The following TSGA10 variants were observed in gnomAD, a reference collection of about 807,000 sequenced individuals.
TSGA10 encodes the protein testis specific 10.
Under a neutral mutation model 96.6 loss-of-function variants are expected in TSGA10, and 43 were observed. That is an observed-to-expected ratio of 0.44 (90% CI 0.35 to 0.57). TSGA10 has a LOEUF of 0.57. TSGA10 is among the 20% of genes least tolerant of loss of function. TSGA10 has a pLI of 0.01. For synonymous variants in TSGA10, 229 were observed against 269.9 expected (o/e 0.85, Z 1.48); for missense variants, 703 against 834.4 (o/e 0.84, Z 1.94).
chr2:99,109,321 A>G, intron 6 of TSGA10, 68 bp downstream of exon 6: 1 of 1,498,792 alleles, frequency 6.7e-7, no homozygotes, highest in Non-Finnish European at 9.3e-7. Context: ...CAAATTAGGT[A>G]AAACAAAGAA....
chr2:99,110,628 T>G lies in TSGA10; in HGVS notation c.-74+222A>C, dbSNP rs775910435. 2.0e-4 allele frequency among the ~76,000 whole-genome samples: 31 copies of G among 152,324 alleles called. 1 individual carries two copies. The highest frequency in any genetic ancestry group is 2.6e-4 in the Non-Finnish European group (18 of 68,016). The stretch of plus-strand genomic sequence containing the variant: ...ATTAATAAAACCAACCAAAAGTTGT[T>G]CTTTGCCTCTAGGAAACAAAGGAAT... On this transcript the variant is annotated intron_variant, in intron 5 of 20. Transcript: ENST00000393483.
At chr2:99,031,341 G>A (rs72957127) in intron 17 of TSGA10, among the ~76,000 whole-genome samples, 91 of 136,212 alleles carry the variant, frequency 6.7e-4, no homozygotes, top group South Asian at 2.7e-3. Flanking sequence ...CACACTTTAC[G>A]CAGAATTAAC....
chr2:99,053,395 T>A (rs2083605133), intron 16 of TSGA10, among the ~76,000 whole-genome samples: 1 of 151,522 alleles, frequency 6.6e-6, no homozygotes, highest in Non-Finnish European at 1.5e-5. Flanking sequence ...GGATAACATG[T>A]TAAAAGGATC....
intron 1 of TSGA10, among the ~76,000 whole-genome samples, chr2:99,153,406 T>C (rs2093712484): frequency 6.6e-6 from 1 of 152,174 alleles, no homozygotes; most frequent in Admixed American, 6.5e-5. Context: ...ATGAGGTCAC[T>C]GGAGGATTGT....
chr2:99,078,597 A>G (rs1465552923), intron 12 of TSGA10, 62 bp downstream of exon 12: 4 of 1,468,726 alleles, frequency 2.7e-6, no homozygotes, highest in South Asian at 1.3e-5. Flanking sequence ...CTTTTAAACC[A>G]TAGTTTAACA....
intron 16 of TSGA10, among the ~76,000 whole-genome samples, chr2:99,039,945 G>C (rs183935201): frequency 6.6e-6 from 1 of 152,188 alleles, no homozygotes; most frequent in Admixed American, 6.5e-5. Context: ...TTTCATATCA[G>C]GGATGCAGGG....
At position 99,011,908 on chromosome 2, in the gene TSGA10, A is replaced by G. The variant is rs181249529; in HGVS notation, c.2072+6292T>C. On this transcript the variant is annotated intron_variant, in intron 20 of 20. Coordinates refer to ENST00000393483, the MANE Select transcript of TSGA10 (RefSeq NM_025244.4). ...TCATCAGGATACCCAAAGTCAAGAC[A>G]AAGGAAAGAATCTTAAGACCTGTGA... 5.8e-4 allele frequency among the ~76,000 whole-genome samples: 89 copies of G among 152,304 alleles called. 4 individuals carry two copies. In the East Asian group the frequency reaches 0.016, roughly 27 times the overall value.
intron 17 of TSGA10, among the ~76,000 whole-genome samples, chr2:99,031,711 G>T (rs946536356): frequency 6.6e-6 from 1 of 152,148 alleles, no homozygotes; most frequent in Non-Finnish European, 1.5e-5. Context: ...AGGTGAGCCC[G>T]CAAAGCTTCA....
chr2:99,103,137 G>T (rs1478755671), intron 10 of TSGA10, among the ~76,000 whole-genome samples: 1 of 149,946 alleles, frequency 6.7e-6, no homozygotes, highest in Non-Finnish European at 1.5e-5. Flanking sequence ...GCTCATGCCT[G>T]TAATCTCAGC....
chr2:99,127,228 T>C, intron 1 of TSGA10, 52 bp from the exon 2 acceptor site: 2 of 1,162,968 alleles, frequency 1.7e-6, no homozygotes, highest in South Asian at 1.6e-5. Context: ...AAAACAGCTC[T>C]GTGATTTCTT....
At chr2:99,067,408 T>G (rs1192155821) in intron 15 of TSGA10, among the ~76,000 whole-genome samples, 1 of 152,216 alleles carries the variant, frequency 6.6e-6, no homozygotes, top group Non-Finnish European at 1.5e-5. Flanking sequence ...GAGGATCACT[T>G]GAGCCTAAGA....
intron 16 of TSGA10, among the ~76,000 whole-genome samples, chr2:99,042,981 G>C (rs892978342): frequency 6.6e-6 from 1 of 152,138 alleles, no homozygotes; most frequent in Admixed American, 6.5e-5. Flanking sequence ...TTACAGGGAT[G>C]AGGCCACCAT....
chr2:99,001,716 G>A (rs1016553548), intron 20 of TSGA10, among the ~76,000 whole-genome samples: 5 of 152,100 alleles, frequency 3.3e-5, no homozygotes, highest in East Asian at 1.9e-4. Flanking sequence ...TGAACCCATC[G>A]CAAAGAAGCT....
intron 7 of TSGA10, among the ~76,000 whole-genome samples, chr2:99,107,946 AATTT>A (rs2091491228): frequency 3.9e-5 from 6 of 152,086 alleles, no homozygotes; most frequent in Admixed American, 3.9e-4. Context: ...GTCTTAAACC[AATTT>A]ATTTATCTGC....
chr2:99,111,255 A>G (rs2091784769), intron 4 of TSGA10, among the ~76,000 whole-genome samples: 1 of 152,168 alleles, frequency 6.6e-6, no homozygotes, highest in South Asian at 2.1e-4. Context: ...GAATAAAATA[A>G]GTTGACCCAA....
intron 18 of TSGA10, among the ~76,000 whole-genome samples, chr2:99,019,969 T>C (rs889757326): frequency 6.6e-6 from 1 of 152,200 alleles, no homozygotes; most frequent in Non-Finnish European, 1.5e-5. Context: ...GGTCTAAATA[T>C]GAAAATTCTT....
intron 4 of TSGA10, among the ~76,000 whole-genome samples, chr2:99,116,554 A>C (rs1445796097): frequency 6.6e-6 from 1 of 152,154 alleles, no homozygotes; most frequent in Non-Finnish European, 1.5e-5. Flanking sequence ...TCATATTAGA[A>C]CAAAAAGAAA....
At chr2:99,006,863 C>T (rs998694889) in intron 20 of TSGA10, among the ~76,000 whole-genome samples, 2 of 152,146 alleles carry the variant, frequency 1.3e-5, no homozygotes, top group African/African-American at 4.8e-5. Context: ...TATTGTGGCA[C>T]TATTCACAAT....
chr2:99,125,853 CAT>C (rs1232523630), intron 2 of TSGA10: 1 of 152,222 alleles, frequency 6.6e-6, no homozygotes, highest in African/African-American at 2.4e-5. Context: ...AGAGGTGCCT[CAT>C]TACAGTTCCC....
Sources: allele counts gnomAD v4.1 joint callset (sites outside exome capture counted in the v4.1 genomes callset), GRCh38; gene constraint gnomAD v4.1.1; transcripts MANE v1.5; gene names NCBI Gene and HGNC (gene_info 2026-07-23, HGNC 2026-07-21).